Variants in PAK1 observed in about 807,000 individuals in gnomAD.
PAK1 encodes the protein serine/threonine-protein kinase PAK 1.
A neutral mutation model predicts 67.4 loss-of-function variants in PAK1; 29 were observed. The ratio of observed to expected loss-of-function variants is 0.43; its 90% CI spans 0.32 to 0.59. PAK1 has a LOEUF of 0.59. Among genes scored for constraint, PAK1 ranks in the 20% least tolerant of loss-of-function variants. The probability of loss-of-function intolerance (pLI) is 0.07; values close to 1 mark genes in which losing one functional copy is unlikely to be tolerated. For synonymous variants in PAK1, 223 were observed against 237.4 expected (o/e 0.94, Z 0.56); for missense variants, 337 against 670.7 (o/e 0.50, Z 5.50).
At chr11:77,379,588 T>C in intron 3 of PAK1, 200 bp from the exon 4 acceptor site, 2 of 598,796 alleles carry the variant, frequency 3.3e-6, no homozygotes, top group South Asian at 4.4e-5. Context: ...AGATGTCTGC[T>C]CCTTCACCAG....
upstream of PAK1, among the ~76,000 whole-genome samples, chr11:77,478,445 G>A (rs574009804): frequency 6.6e-6 from 1 of 152,100 alleles, no homozygotes; most frequent in African/African-American, 2.4e-5. Flanking sequence ...ACTCCAAAGA[G>A]CTCTGATTCT....
intron 13 of PAK1, among the ~76,000 whole-genome samples, chr11:77,335,628 C>T (rs1195849845): frequency 4.6e-5 from 7 of 152,172 alleles, no homozygotes; most frequent in Non-Finnish European, 5.9e-5. Context: ...TCCATAAAAG[C>T]GGCCAAAATG....
intron 6 of PAK1, among the ~76,000 whole-genome samples, chr11:77,357,176 T>A (rs932369364): frequency 6.6e-6 from 1 of 152,196 alleles, no homozygotes; most frequent in South Asian, 2.1e-4. Flanking sequence ...TCTGCGATGA[T>A]GCAAAGCCAT....
chr11:77,369,877 AT>A (rs1948184843), intron 5 of PAK1, among the ~76,000 whole-genome samples: 1 of 152,030 alleles, frequency 6.6e-6, no homozygotes. Context: ...TTTAAAAGTT[AT>A]TTCCTGACTT....
chr11:77,334,367 C>A lies in PAK1; in HGVS notation c.1414-1500G>T, dbSNP rs553250024. On this transcript the variant is annotated intron_variant, in intron 13 of 14. Transcript: ENST00000356341. ...GGATAGAAACTACAGAAGGTAGTTT[C>A]AGTTTGGTGCACTGAAGCAATTTCC... Among the ~76,000 whole-genome samples, 20 of 152,174 alleles carry A rather than the reference C, an allele frequency of 1.3e-4. No homozygotes were observed. The South Asian group carries it at 3.3e-3, about 25-fold the overall frequency.
the PAK1 span, among the ~76,000 whole-genome samples, chr11:77,515,876 T>C: frequency 2.0e-5 from 3 of 152,156 alleles, no homozygotes; most frequent in Non-Finnish European, 4.4e-5. Flanking sequence ...TACTTTCTGA[T>C]GTTAGAAAAT....
chr11:77,433,942 A>T (rs947394917), intron 1 of PAK1, among the ~76,000 whole-genome samples: 1 of 152,218 alleles, frequency 6.6e-6, no homozygotes, highest in Non-Finnish European at 1.5e-5. Flanking sequence ...TATGAGACAG[A>T]TACCATTTCA....
chr11:77,519,151 T>A, the PAK1 span, among the ~76,000 whole-genome samples: 1 of 152,238 alleles, frequency 6.6e-6, no homozygotes, highest in South Asian at 2.1e-4. Flanking sequence ...AATACATGTA[T>A]TTTTTATGGT....
In PAK1 at chr11:77,380,138, C is replaced by T. The variant is rs368083792; in HGVS notation, c.191-144G>A. On this transcript the variant is annotated intron_variant, in intron 2 of 14. Transcript: ENST00000356341. ...TCACATATGTAGAAGAGCTCAGTTA[C>T]GGATCTGGATTGGAGCAGATACTCA... is the stretch of plus-strand genomic sequence containing the variant. 352 of 621,084 alleles carry T rather than the reference C, an allele frequency of 5.7e-4. 2 individuals are homozygous for T. Among genetic ancestry groups the T allele is most frequent in the African/African-American group, 4.5e-3 (243 of 54,284 alleles). The allele number at this position is 621,084 out of a possible 1,614,324, so 38.5% of individuals were successfully genotyped here.
At position 77,458,810 on chromosome 11, in the gene PAK1, G is replaced by C. The variant is rs187299968; in HGVS notation, c.-22+14742C>G. On this transcript the variant is annotated intron_variant, in intron 1 of 14. Coordinates refer to ENST00000356341, the MANE Select transcript of PAK1 (RefSeq NM_002576.5). ...AAAGTTTGATGAATATATGTCGAGG[G>C]AGTGCAAAAGTAAATTATTTTATTC... 1.6e-4 allele frequency among the ~76,000 whole-genome samples: 24 copies of C among 152,232 alleles called. No homozygotes were observed. In the East Asian group the frequency reaches 4.4e-3, roughly 28 times the overall value.
intron 5 of PAK1, among the ~76,000 whole-genome samples, chr11:77,372,799 C>G (rs1277588124): frequency 6.6e-6 from 1 of 152,206 alleles, no homozygotes; most frequent in Non-Finnish European, 1.5e-5. Flanking sequence ...TATTCTCTTT[C>G]TGTGTGGAAT....
intron 1 of PAK1, among the ~76,000 whole-genome samples, chr11:77,441,805 G>A (rs1307983006): frequency 1.3e-5 from 2 of 152,206 alleles, no homozygotes. Context: ...TTAAGTATTG[G>A]AGATGCACAG....
upstream of PAK1, among the ~76,000 whole-genome samples, chr11:77,477,233 A>G (rs995449097): frequency 1.3e-5 from 2 of 152,228 alleles, no homozygotes; most frequent in African/African-American, 4.8e-5. Flanking sequence ...AACGCCATCA[A>G]TGGGTTCTGC....
intron 1 of PAK1, among the ~76,000 whole-genome samples, chr11:77,453,570 C>G (rs534760056): frequency 4.0e-5 from 6 of 149,398 alleles, no homozygotes; most frequent in African/African-American, 1.5e-4. Context: ...TTTTAATTAC[C>G]TCACAGGAGA....
intron 1 of PAK1, among the ~76,000 whole-genome samples, chr11:77,437,759 A>G (rs184660030): frequency 1.2e-4 from 18 of 152,332 alleles, no homozygotes; most frequent in South Asian, 1.0e-3. Flanking sequence ...AAATCAAACA[A>G]AAGTTCTCTC....
intron 1 of PAK1, among the ~76,000 whole-genome samples, chr11:77,427,160 A>C (rs1305926221): frequency 6.6e-6 from 1 of 152,206 alleles, no homozygotes; most frequent in Non-Finnish European, 1.5e-5. Context: ...AGAAAGTCTA[A>C]AACCCTCCTT....
intron 9 of PAK1, among the ~76,000 whole-genome samples, chr11:77,348,283 G>A (rs917327730): frequency 6.6e-6 from 1 of 152,124 alleles, no homozygotes; most frequent in African/African-American, 2.4e-5. Flanking sequence ...CTTCTCTGGG[G>A]CAGCTGCCAT....
intron 1 of PAK1, among the ~76,000 whole-genome samples, chr11:77,438,596 A>G (rs1956228874): frequency 6.6e-6 from 1 of 152,328 alleles, no homozygotes; most frequent in South Asian, 2.1e-4. Flanking sequence ...CTCCCAATAG[A>G]AATCTCAAGG....
intron 5 of PAK1, among the ~76,000 whole-genome samples, chr11:77,371,232 G>A (rs1948384935): frequency 6.6e-6 from 1 of 152,176 alleles, no homozygotes; most frequent in East Asian, 1.9e-4. Context: ...AGAGCTAAAA[G>A]GGACTTTAAG....
Sources: allele counts gnomAD v4.1 joint callset (sites outside exome capture counted in the v4.1 genomes callset), GRCh38; gene constraint gnomAD v4.1.1; transcripts MANE v1.5; gene names NCBI Gene and HGNC (gene_info 2026-07-23, HGNC 2026-07-21).